NIPAL2: variants seen among roughly 807,000 people sequenced by gnomAD.
The protein encoded by NIPAL2 is NIPA-like protein 2.
A neutral mutation model predicts 48.9 loss-of-function variants in NIPAL2; 43 were observed. The ratio of observed to expected loss-of-function variants is 0.88; its 90% CI spans 0.69 to 1.13. The LOEUF (loss-of-function observed/expected upper bound fraction) is 1.13, where lower values mean the gene tolerates loss of function less well. Among genes scored for constraint, NIPAL2 ranks in the 50% most tolerant of loss-of-function variants. NIPAL2 has a pLI of 0.00. For missense variants in NIPAL2, 446 were observed against 461.4 expected (o/e 0.97, Z 0.31); for synonymous variants, 167 against 174.6 (o/e 0.96, Z 0.34).
At chr8:98,226,247 T>C (rs542196267) in intron 4 of NIPAL2, among the ~76,000 whole-genome samples, 2 of 152,292 alleles carry the variant, frequency 1.3e-5, no homozygotes, top group East Asian at 3.9e-4. Flanking sequence ...GGTGAGGTCA[T>C]GTTTTCCTGG....
chr8:98,275,465 G>A (rs184638432), intron 1 of NIPAL2, among the ~76,000 whole-genome samples: 2 of 152,216 alleles, frequency 1.3e-5, no homozygotes, highest in Non-Finnish European at 2.9e-5. Flanking sequence ...AGTATTCCAT[G>A]GTATGGATAT....
intron 6 of NIPAL2, among the ~76,000 whole-genome samples, 183 bp from the exon 7 acceptor site, chr8:98,205,429 G>A (rs1461849962): frequency 6.6e-6 from 1 of 151,876 alleles, no homozygotes; most frequent in Non-Finnish European, 1.5e-5. Context: ...GAGCCGTGCT[G>A]GATATCAAAT....
chr8:98,192,942 A>G lies in NIPAL2; in HGVS notation c.*36T>C. On this transcript the variant is annotated 3_prime_UTR_variant, in exon 11 of 11. Transcript: ENST00000430223. ...ATGTGCAATTTTTTAAAAAGGTGGT[A>G]TCGAATAACAGGCCAACAGCCATCC... 1 of 1,321,472 alleles carries G rather than the reference A, an allele frequency of 7.6e-7. No individual in the cohort carries two copies. The highest frequency in any genetic ancestry group is 1.1e-6 in the Non-Finnish European group (1 of 915,794). The allele number at this position is 1,321,472 out of a possible 1,614,324, so 81.9% of individuals were successfully genotyped here. A position where few individuals can be genotyped will look rare whatever the true frequency, so the allele number is the denominator to read the frequency against.
chr8:98,209,445 C>CAAAA lies in NIPAL2; in HGVS notation c.655+2956_655+2959dup, dbSNP rs33923448. On this transcript the variant is annotated intron_variant, in intron 6 of 10. Coordinates refer to ENST00000430223, the MANE Select transcript of NIPAL2 (RefSeq NM_001321635.2). ...GCAGCATGGGGATACCCTGTCTCTCCAAAAAAAAAAAAAAAAAAAAAAATT... is the reference window on the plus strand; with the variant it reads ...GCAGCATGGGGATACCCTGTCTCTCCAAAAAAAAAAAAAAAAAAAAAAAAAAATT... 9.1e-3 allele frequency among the ~76,000 whole-genome samples: 640 copies of CAAAA among 70,472 alleles called. 22 individuals carry two copies. The highest frequency in any genetic ancestry group is 0.036 in the African/African-American group (583 of 16,234). The allele number at this position is 70,472 out of a possible 152,430, so 46.2% of individuals were successfully genotyped here. A position where few individuals can be genotyped will look rare whatever the true frequency, so the allele number is the denominator to read the frequency against.
Position 98,255,242 on chromosome 8 carries a change from C to T in NIPAL2, c.136-1155G>A, listed in dbSNP as rs568429254. On this transcript the variant is annotated intron_variant, in intron 1 of 10. Transcript: ENST00000430223. ...CATAGATAGCTCATGTATTATTTAA[C>T]GATTTCAAAAGATGCATTTGTTGCT... Among the ~76,000 whole-genome samples, 10 of 152,242 alleles carry T rather than the reference C, an allele frequency of 6.6e-5. No homozygotes were observed. In the South Asian group the frequency reaches 1.0e-3, roughly 16 times the overall value.
intron 6 of NIPAL2, among the ~76,000 whole-genome samples, chr8:98,207,713 A>G (rs1363083260): frequency 6.6e-6 from 1 of 152,220 alleles, no homozygotes; most frequent in Non-Finnish European, 1.5e-5. Context: ...CATTTTTGAC[A>G]TTTGGACATG....
chr8:98,258,943 TA>T (rs569867285), intron 1 of NIPAL2, among the ~76,000 whole-genome samples: 2 of 151,262 alleles, frequency 1.3e-5, no homozygotes, highest in Admixed American at 6.6e-5. Flanking sequence ...GTCTGCGTAT[TA>T]AAAAAAATGG....
rs552512331 is a variant in NIPAL2, at chr8:98,252,325, A to G, written c.376+138T>C. The G allele has an allele frequency of 2.3e-4, 185 of 819,626 alleles. No individual in the cohort carries two copies. The African/African-American group carries it at 3.1e-3, about 14-fold the overall frequency. The allele number at this position is 819,626 out of a possible 1,614,324, so 50.8% of individuals were successfully genotyped here. A position where few individuals can be genotyped will look rare whatever the true frequency, so the allele number is the denominator to read the frequency against. ...ACAATGGATCGCTGAAATTAGCAGA[A>G]TAATTGTTCCATGTTAACGTGATAA... On this transcript the variant is annotated intron_variant, in intron 3 of 10. Coordinates refer to ENST00000430223, the MANE Select transcript of NIPAL2 (RefSeq NM_001321635.2).
Position 98,205,245 on chromosome 8 carries a change from G to A in NIPAL2, c.657C>T (p.Ala219=). The A allele has an allele frequency of 6.3e-7, 1 of 1,599,660 alleles. No homozygotes were observed. The highest frequency in any genetic ancestry group is 1.4e-5 in the African/African-American group (1 of 73,892). ...VILLTLVAIL[A]SLTVISVKAV... is the part of the protein sequence containing the mutation. ...CCTTTACTGAAATAACAGTCAATGA[G>A]GCTGAAAAAGAAAACAAAAAACACA... is the stretch of plus-strand genomic sequence containing the variant. Residue 219 remains alanine, a splice_region_variant and synonymous_variant, in exon 7 of 11, where the codon GCC becomes GCT. Transcript: ENST00000430223.
chr8:98,214,241 T>C (rs1811463748), intron 5 of NIPAL2, among the ~76,000 whole-genome samples: 1 of 151,896 alleles, frequency 6.6e-6, no homozygotes, highest in Non-Finnish European at 1.5e-5. Context: ...TCAGATCACT[T>C]AAACCTCTCC....
At chr8:98,198,097 A>G (rs1810631432) in intron 8 of NIPAL2, among the ~76,000 whole-genome samples, 1 of 152,210 alleles carries the variant, frequency 6.6e-6, no homozygotes, top group African/African-American at 2.4e-5. Context: ...AGTCAAAATT[A>G]CTCATTGATC....
intron 3 of NIPAL2, among the ~76,000 whole-genome samples, chr8:98,244,020 TA>T (rs1482700450): frequency 1.3e-5 from 2 of 152,174 alleles, no homozygotes; most frequent in Non-Finnish European, 2.9e-5. Context: ...TTTTACCCTT[TA>T]TTATCACTTC....
intron 1 of NIPAL2, among the ~76,000 whole-genome samples, chr8:98,292,300 A>C (rs1272283952): frequency 6.6e-6 from 1 of 152,272 alleles, no homozygotes; most frequent in Non-Finnish European, 1.5e-5. Flanking sequence ...GAGGCACTCA[A>C]TAAAATGCTT....
chr8:98,191,860 C>T lies in NIPAL2; in HGVS notation c.*1118G>A, dbSNP rs1010149510. ...AGGACTTGGGCTTCCTCTTGAAGCT[C>T]AGGTTTGACCACTGGGTTGTTTTCT... On this transcript the variant is annotated 3_prime_UTR_variant, in exon 11 of 11. Transcript: ENST00000430223. 2 of 152,182 alleles carry T rather than the reference C, an allele frequency of 1.3e-5. No individual in the cohort carries two copies. The highest frequency in any genetic ancestry group is 2.9e-5 in the Non-Finnish European group (2 of 68,024). The allele number at this position is 152,182 out of a possible 1,614,324, so 9.4% of individuals were successfully genotyped here.
At chr8:98,270,120 A>G (rs1336234207) in intron 1 of NIPAL2, among the ~76,000 whole-genome samples, 3 of 152,098 alleles carry the variant, frequency 2.0e-5, no homozygotes, top group African/African-American at 7.2e-5. Flanking sequence ...TGTCTTTGCT[A>G]TTGTGAATAG....
intron 3 of NIPAL2, among the ~76,000 whole-genome samples, chr8:98,242,182 A>G (rs551091542): frequency 6.6e-6 from 1 of 152,266 alleles, no homozygotes; most frequent in East Asian, 1.9e-4. Context: ...AGTAGATTTT[A>G]AAAGTTCTTT....
rs536414966 is a variant in NIPAL2, at chr8:98,257,419, C to A, written c.136-3332G>T. Among the ~76,000 whole-genome samples, 8 of 147,930 alleles carry A rather than the reference C, an allele frequency of 5.4e-5. No homozygotes were observed. The East Asian group carries it at 1.0e-3, about 18-fold the overall frequency. ...CTGGAATACAGTGGCATGATCTCAGCGGCTAATTTTTGTATTTTTAGTAGA... is the reference window on the plus strand; with the variant it reads ...CTGGAATACAGTGGCATGATCTCAGAGGCTAATTTTTGTATTTTTAGTAGA... On this transcript the variant is annotated intron_variant, in intron 1 of 10. Coordinates refer to ENST00000430223, the MANE Select transcript of NIPAL2 (RefSeq NM_001321635.2).
At chr8:98,206,104 T>A (rs1357011811) in intron 6 of NIPAL2, among the ~76,000 whole-genome samples, 1 of 152,332 alleles carries the variant, frequency 6.6e-6, no homozygotes, top group South Asian at 2.1e-4. Context: ...TTCTGTCTTA[T>A]GTCCCTCGAA....
At chr8:98,193,542 G>A (rs550096108) in intron 10 of NIPAL2, 16 of 898,744 alleles carry the variant, frequency 1.8e-5, no homozygotes, top group Middle Eastern at 2.2e-4. Flanking sequence ...AATCAGGCTC[G>A]GTGCAGTGGC....
Sources: allele counts gnomAD v4.1 joint callset (sites outside exome capture counted in the v4.1 genomes callset), GRCh38; gene constraint gnomAD v4.1.1; transcripts MANE v1.5; gene names NCBI Gene and HGNC (gene_info 2026-07-23, HGNC 2026-07-21).